SPAG16: variants seen among roughly 807,000 people sequenced by gnomAD.
SPAG16 encodes sperm associated antigen 16.
In SPAG16, 86 loss-of-function variants were observed where a neutral mutation model predicts 80.4. The ratio of observed to expected loss-of-function variants is 1.07; its 90% confidence interval spans 0.90 to 1.28. The LOEUF is 1.28. Among genes scored for constraint, SPAG16 ranks in the 50% most tolerant of loss-of-function variants. The pLI, the probability that SPAG16 is intolerant of heterozygous loss-of-function variation, is 0.00. For missense variants in SPAG16, 870 were observed against 765.3 expected (o/e 1.14, Z -1.61); for synonymous variants, 294 against 265.9 (o/e 1.11, Z -1.03).
At chr2:213,999,112 G>A (rs1250790545) in intron 12 of SPAG16, among the ~76,000 whole-genome samples, 1 of 152,188 alleles carries the variant, frequency 6.6e-6, no homozygotes, top group Non-Finnish European at 1.5e-5. Context: ...ACAACGAGGG[G>A]AATGTTAATC....
chr2:213,689,422 A>G (rs1406530945), intron 10 of SPAG16, among the ~76,000 whole-genome samples: 2 of 149,428 alleles, frequency 1.3e-5, no homozygotes. Context: ...GGATATTTTT[A>G]TTCTATATTC....
rs992559243 is a variant in SPAG16, at chr2:213,662,900, A to C, written c.1070+172810A>C. Among the ~76,000 whole-genome samples, 18 of 152,070 alleles carry C rather than the reference A, an allele frequency of 1.2e-4. 1 individual carries two copies. Among genetic ancestry groups the C allele is most frequent in the African/African-American group, 3.9e-4 (16 of 41,440 alleles). On this transcript the variant is annotated intron_variant, in intron 10 of 15. Coordinates refer to ENST00000331683, the MANE Select transcript of SPAG16 (RefSeq NM_024532.5). ...TGACAAATGTTTGTAAATGAAGGAC[A>C]AAAAAATACGATTCAATATTCCAAG...
intron 15 of SPAG16, among the ~76,000 whole-genome samples, chr2:214,371,890 A>G (rs956325035): frequency 6.6e-6 from 1 of 152,020 alleles, no homozygotes; most frequent in Non-Finnish European, 1.5e-5. Context: ...CATGTTGGCC[A>G]GGCTGGTCTC....
At chr2:213,463,935 A>G (rs1317937259) in intron 9 of SPAG16, among the ~76,000 whole-genome samples, 1 of 152,168 alleles carries the variant, frequency 6.6e-6, no homozygotes, top group Non-Finnish European at 1.5e-5. Context: ...TTCACTGCCA[A>G]AGGAGTAAAA....
chr2:214,145,814 G>C (rs1022194701), intron 14 of SPAG16, among the ~76,000 whole-genome samples: 2 of 152,076 alleles, frequency 1.3e-5, no homozygotes, highest in Non-Finnish European at 1.5e-5. Context: ...AAATCACATA[G>C]AGTCAACGTT....
intron 9 of SPAG16, among the ~76,000 whole-genome samples, chr2:213,471,754 C>T (rs976808435): frequency 6.6e-6 from 1 of 152,136 alleles, no homozygotes; most frequent in African/African-American, 2.4e-5. Context: ...AAACTGGCAG[C>T]CTTTTGGGTA....
At chr2:214,059,200 A>ATATATATGTATGTG (rs2050108986) in intron 13 of SPAG16, among the ~76,000 whole-genome samples, 11 of 106,216 alleles carry the variant, frequency 1.0e-4, no homozygotes, top group African/African-American at 4.0e-4. Flanking sequence ...ATATATATAT[A>ATATATATGTATGTG]TATATATATA....
At chr2:213,466,188 G>T (rs963518983) in intron 9 of SPAG16, among the ~76,000 whole-genome samples, 61 of 152,154 alleles carry the variant, frequency 4.0e-4, no homozygotes, top group African/African-American at 1.4e-3. Context: ...ACAGCCTACT[G>T]TGGGACCTCA....
chr2:214,386,725 A>G (rs1700775999), intron 15 of SPAG16, among the ~76,000 whole-genome samples: 1 of 152,048 alleles, frequency 6.6e-6, no homozygotes, highest in Non-Finnish European at 1.5e-5. Flanking sequence ...TTAGCCTGGC[A>G]TGGTTGCACA....
At chr2:213,968,400 C>A (rs2044832655) in intron 12 of SPAG16, among the ~76,000 whole-genome samples, 1 of 152,168 alleles carries the variant, frequency 6.6e-6, no homozygotes, top group South Asian at 2.1e-4. Flanking sequence ...GCCATGTTGG[C>A]CAGCCTGGTC....
chr2:214,149,344 T>C, intron 15 of SPAG16, 78 bp downstream of exon 15: 4 of 1,270,504 alleles, frequency 3.1e-6, no homozygotes, highest in Non-Finnish European at 4.1e-6. Context: ...TGTTTCTCCT[T>C]AAATGTATGT....
chr2:213,317,534 C>T, intron 5 of SPAG16, 178 bp downstream of exon 5: 1 of 1,309,978 alleles, frequency 7.6e-7, no homozygotes, highest in Non-Finnish European at 9.7e-7. Context: ...TCAGAACTAT[C>T]ACAATTATAA....
chr2:213,893,777 C>A (rs1308513995), intron 11 of SPAG16, among the ~76,000 whole-genome samples: 1 of 151,838 alleles, frequency 6.6e-6, no homozygotes, highest in Non-Finnish European at 1.5e-5. Flanking sequence ...ACAAATTAAA[C>A]CATACTAGCA....
intron 10 of SPAG16, among the ~76,000 whole-genome samples, chr2:213,858,988 G>C (rs1040214424): frequency 6.6e-6 from 1 of 151,648 alleles, no homozygotes; most frequent in Non-Finnish European, 1.5e-5. Flanking sequence ...AGACCAGCCT[G>C]ATAAACATGG....
chr2:214,181,354 T>C (rs899573559), intron 15 of SPAG16, among the ~76,000 whole-genome samples: 1 of 151,734 alleles, frequency 6.6e-6, no homozygotes, highest in Non-Finnish European at 1.5e-5. Flanking sequence ...AAAGGAATGG[T>C]ACAAAATAGA....
Position 213,990,385 on chromosome 2 carries a change from A to G in SPAG16, c.1401-23566A>G, listed in dbSNP as rs555306724. On this transcript the variant is annotated intron_variant, in intron 12 of 15. Transcript: ENST00000331683. ...CAATGGTTAGGGGAACCAACTGCCC[A>G]CACAGTCAGAAATCTGAGTATAACT... 2.0e-5 allele frequency among the ~76,000 whole-genome samples: 3 copies of G among 152,266 alleles called. No homozygotes were observed. In the South Asian group the frequency reaches 6.2e-4, roughly 32 times the overall value.
At chr2:214,254,496 G>A (rs1690536905) in intron 15 of SPAG16, among the ~76,000 whole-genome samples, 1 of 152,042 alleles carries the variant, frequency 6.6e-6, no homozygotes, top group South Asian at 2.1e-4. Flanking sequence ...TTAACATGAA[G>A]GGCTGTTGAA....
intron 9 of SPAG16, among the ~76,000 whole-genome samples, chr2:213,471,648 A>G (rs1397965031): frequency 6.6e-6 from 1 of 152,132 alleles, no homozygotes; most frequent in African/African-American, 2.4e-5. Context: ...CTCAAGCACT[A>G]TTGAATTTGC....
chr2:213,349,610 C>T (rs766454372), intron 6 of SPAG16, among the ~76,000 whole-genome samples: 1 of 151,994 alleles, frequency 6.6e-6, no homozygotes. Context: ...TTTAAAGAGG[C>T]CTTATTCATG....
Sources: allele counts gnomAD v4.1 joint callset (sites outside exome capture counted in the v4.1 genomes callset), GRCh38; gene constraint gnomAD v4.1.1; transcripts MANE v1.5; gene names NCBI Gene and HGNC (gene_info 2026-07-23, HGNC 2026-07-21).